Variants in MDN1 observed in about 807,000 individuals in gnomAD.
MDN1 encodes midasin.
MDN1 carries 266 observed loss-of-function variants against 669.2 expected under a neutral mutation model. That is an observed-to-expected ratio of 0.40 (90% CI 0.36 to 0.44). The LOEUF is 0.44. MDN1 is among the 20% of genes least tolerant of loss of function. MDN1 has a pLI of 1.00. For synonymous variants in MDN1, 2,385 were observed against 2,457.1 expected (o/e 0.97, Z 0.87); for missense variants, 5,940 against 6,754.0 (o/e 0.88, Z 4.22).
intron 59 of MDN1, among the ~76,000 whole-genome samples, chr6:89,698,334 T>A (rs1471910491): frequency 2.0e-5 from 3 of 152,224 alleles, no homozygotes; most frequent in Non-Finnish European, 4.4e-5. Flanking sequence ...GGCATGCTTA[T>A]TATAGGAAGA....
intron 15 of MDN1, 72 bp downstream of exon 15, chr6:89,771,489 A>C: frequency 3.0e-6 from 4 of 1,317,950 alleles, no homozygotes; most frequent in Non-Finnish European, 4.3e-6. Flanking sequence ...GGTTGTTAAC[A>C]CTAAGAAAAC....
At chr6:89,734,670 G>GAAAAAA (rs778207435) in intron 33 of MDN1, among the ~76,000 whole-genome samples, 1 of 28,642 alleles carries the variant, frequency 3.5e-5, no homozygotes, top group African/African-American at 2.3e-4. Flanking sequence ...AAAGGAAGAA[G>GAAAAAA]AAAAAAAAAA....
chr6:89,655,807 C>G lies in MDN1; in HGVS notation c.15447G>C (p.Glu5149Asp). The G allele has an allele frequency of 6.2e-7, 1 of 1,613,494 alleles. No homozygotes were observed. The highest frequency in any genetic ancestry group is 1.1e-5 in the South Asian group (1 of 90,852). The change falls in exon 92 of 102, where the codon GAG (glutamate) becomes GAC (aspartate). Residue 5149 changes from glutamate to aspartate, a missense_variant. Transcript: ENST00000369393. ...QAQVEDADAF[E>D]HIKQGSDAYD... is the part of the protein sequence containing the mutation. Reference sequence around the variant, plus strand: ...ATGCGTCACTGCCTTGTTTAATGTGCTCGAATGCATCTGCATCCTCCACCT... The same window carrying G: ...ATGCGTCACTGCCTTGTTTAATGTGGTCGAATGCATCTGCATCCTCCACCT...
chr6:89,751,557 C>T lies in MDN1; in HGVS notation c.3101G>A (p.Arg1034Gln), dbSNP rs765196000. Residue 1034 changes from arginine to glutamine, a missense_variant, in exon 23 of 102, where the codon CGG (arginine) becomes CAG (glutamine). By Grantham distance (43) the Arg-to-Gln change is conservative. Coordinates refer to ENST00000369393, the MANE Select transcript of MDN1 (RefSeq NM_014611.3). ...CCAGTAGCCTTCAACCTGGATAAGC[C>T]GACCTCCTTTTGGCTCTGGAATAGG... ...KQPIPEPKGGRLIQVEGYWIA... is the reference protein window; with the variant it reads ...KQPIPEPKGGQLIQVEGYWIA... The T allele has an allele frequency of 6.2e-6, 10 of 1,614,058 alleles. No homozygotes were observed. The East Asian group carries it at 6.7e-5, about 11-fold the overall frequency.
chr6:89,687,305 T>C, intron 68 of MDN1, 39 bp downstream of exon 68: 2 of 1,566,836 alleles, frequency 1.3e-6, no homozygotes, highest in African/African-American at 2.7e-5. Context: ...CAAAAGCCCT[T>C]ACAACCTAAG....
At chr6:89,731,805 C>G (rs1378816167) in intron 34 of MDN1, among the ~76,000 whole-genome samples, 7 of 146,480 alleles carry the variant, frequency 4.8e-5, no homozygotes, top group South Asian at 2.4e-4. Context: ...ACCGCCCCCC[C>G]CCCCCACCTT....
At chr6:89,758,717 G>C in intron 18 of MDN1, 99 bp downstream of exon 18, 2 of 1,264,126 alleles carry the variant, frequency 1.6e-6, no homozygotes, top group Non-Finnish European at 2.2e-6. Context: ...TCCATTGGGA[G>C]GCCCATGTCA....
At chr6:89,739,798 T>A (rs888087006) in intron 32 of MDN1, among the ~76,000 whole-genome samples, 3 of 152,128 alleles carry the variant, frequency 2.0e-5, no homozygotes, top group Non-Finnish European at 4.4e-5. Flanking sequence ...CAGAAGAGGG[T>A]TCCTGGTTGT....
Position 89,699,641 on chromosome 6 carries a change from T to A in MDN1, c.8957A>T (p.Gln2986Leu), listed in dbSNP as rs201781782. The A allele has an allele frequency of 1.2e-6, 2 of 1,613,950 alleles. No homozygotes were observed. The highest frequency in any genetic ancestry group is 4.5e-5 in the East Asian group (2 of 44,856). The part of the protein sequence containing the change: ...FCLYHTPVTP[Q>L]ELRDLWSLLH... ...CAAGGACCACAGATCTCGAAGCTCTTGAGGTGTAACAGGTGTGTGATAAAG... is the reference window on the plus strand; with the variant it reads ...CAAGGACCACAGATCTCGAAGCTCTAGAGGTGTAACAGGTGTGTGATAAAG... The change falls in exon 58 of 102, where the codon CAA (glutamine) becomes CTA (leucine). Residue 2986 changes from glutamine (Q) to leucine (L), a missense_variant. By Grantham distance (113) the Gln-to-Leu change is moderately radical. Coordinates refer to ENST00000369393, the MANE Select transcript of MDN1 (RefSeq NM_014611.3).
intron 15 of MDN1, among the ~76,000 whole-genome samples, chr6:89,764,042 C>T (rs1301388472): frequency 6.6e-6 from 1 of 152,066 alleles, no homozygotes; most frequent in Non-Finnish European, 1.5e-5. Context: ...AAGCCAAGAT[C>T]TTGTCTCCAT....
chr6:89,738,187 T>C, intron 33 of MDN1, 139 bp downstream of exon 33: 1 of 946,504 alleles, frequency 1.1e-6, no homozygotes, highest in East Asian at 2.5e-5. Context: ...CCTTGTCTAC[T>C]TTGTTTCATT....
At chr6:89,764,782 G>T (rs1221165797) in intron 15 of MDN1, among the ~76,000 whole-genome samples, 1 of 152,178 alleles carries the variant, frequency 6.6e-6, no homozygotes, top group Non-Finnish European at 1.5e-5. Context: ...CAACACAGGG[G>T]AAGGTGAGAG....
At position 89,740,289 on chromosome 6, in the gene MDN1, T is replaced by C; in HGVS notation, c.4538A>G (p.Lys1513Arg). Residue 1513 changes from lysine (K) to arginine (R), a missense_variant, in exon 32 of 102, where the codon AAA (lysine) becomes AGA (arginine). Around this residue, in one of 5 missense-constraint regions of MDN1, gnomAD observed 2,292 missense variants for 2,638.3 expected, o/e 0.87. Coordinates refer to ENST00000369393, the MANE Select transcript of MDN1 (RefSeq NM_014611.3). ...DSEIELLTAG[K>R]KFRILATMNP... ...CATGGTTGCTAGAATACGAAATTTT[T>C]TCCCAGCAGTCAACAGCTCTATTTC... The C allele has an allele frequency of 1.2e-6, 2 of 1,612,214 alleles. No individual in the cohort carries two copies. The highest frequency in any genetic ancestry group is 1.7e-6 in the Non-Finnish European group (2 of 1,179,502).
rs771620245 is a variant in MDN1 at position 89,781,633 on chromosome 6, T to C, written c.1450-41A>G. Reference sequence around the variant, plus strand: ...AAAAAAGAAAATTTAACAGCCAGCATGGTAATTTTTGAAAGCACACAAACT... The same window carrying C: ...AAAAAAGAAAATTTAACAGCCAGCACGGTAATTTTTGAAAGCACACAAACT... On this transcript the variant is annotated intron_variant, in intron 9 of 101. Coordinates refer to ENST00000369393, the MANE Select transcript of MDN1 (RefSeq NM_014611.3). 8.7e-6 allele frequency: 13 copies of C among 1,492,708 alleles called. No homozygotes were observed. The Admixed American group carries it at 2.4e-4, about 28-fold the overall frequency. 92.5% of individuals were successfully genotyped at this position (1,492,708 alleles called of 1,614,324 possible). A position where few individuals can be genotyped will look rare whatever the true frequency, so the allele number is the denominator to read the frequency against.
chr6:89,645,268 G>C, intron 100 of MDN1, 111 bp from the exon 101 acceptor site: 2 of 1,193,030 alleles, frequency 1.7e-6, no homozygotes, highest in South Asian at 3.5e-5. Flanking sequence ...TACTATTAAA[G>C]CTAAACAGAC....
At chr6:89,690,526 C>T in intron 64 of MDN1, 147 bp downstream of exon 64, 1 of 1,046,918 alleles carries the variant, frequency 9.6e-7, no homozygotes, top group South Asian at 1.7e-5. Context: ...CCACTGCACT[C>T]CAGCCTGGGT....
intron 50 of MDN1, 28 bp downstream of exon 50, chr6:89,710,653 C>A: frequency 2.2e-6 from 3 of 1,338,510 alleles, no homozygotes; most frequent in Non-Finnish European, 3.1e-6. Context: ...CAAAACAGTG[C>A]TGAGAGCTAG....
chr6:89,796,049 G>C (rs1819574981), intron 2 of MDN1, among the ~76,000 whole-genome samples: 1 of 151,888 alleles, frequency 6.6e-6, no homozygotes, highest in South Asian at 2.1e-4. Context: ...ACATGGCCAG[G>C]CACAGTGGCT....
chr6:89,681,940 C>G (rs1811637921), intron 73 of MDN1, among the ~76,000 whole-genome samples: 1 of 152,160 alleles, frequency 6.6e-6, no homozygotes, highest in South Asian at 2.1e-4. Context: ...CCGTGAGCCA[C>G]TACGCCTGCC....
Sources: allele counts gnomAD v4.1 joint callset (sites outside exome capture counted in the v4.1 genomes callset), GRCh38; gene constraint gnomAD v4.1.1; regional missense constraint gnomAD v4.1.1; transcripts MANE v1.5; gene names NCBI Gene and HGNC (gene_info 2026-07-23, HGNC 2026-07-21).